Variants in PCCB observed in about 807,000 individuals in gnomAD.
PCCB encodes propionyl-CoA carboxylase subunit beta, also known as propionyl-CoA carboxylase beta chain, mitochondrial.
In PCCB, 43 loss-of-function variants were observed where a neutral mutation model predicts 60.7. The observed-to-expected ratio is 0.71, with a 90% CI of 0.55 to 0.91. The LOEUF (loss-of-function observed/expected upper bound fraction) is 0.91. Ranked by LOEUF, PCCB falls within the 40% of genes least tolerant of loss-of-function variation. The pLI, the probability that PCCB is intolerant of heterozygous loss-of-function variation, is 0.00. For missense variants in PCCB, 766 were observed against 702.8 expected (o/e 1.09, Z -1.02); for synonymous variants, 276 against 255.9 (o/e 1.08, Z -0.75).
chr3:136,326,145 T>G (rs1368613234), intron 10 of PCCB, among the ~76,000 whole-genome samples: 1 of 152,154 alleles, frequency 6.6e-6, no homozygotes, highest in African/African-American at 2.4e-5. Flanking sequence ...GACTTGATAA[T>G]GTGCCTTACT....
chr3:136,278,039 C>T (rs184607109), intron 5 of PCCB, among the ~76,000 whole-genome samples: 1 of 152,262 alleles, frequency 6.6e-6, no homozygotes. Flanking sequence ...GCGACCACTA[C>T]CTGAGCTTGT....
intron 5 of PCCB, among the ~76,000 whole-genome samples, chr3:136,263,339 C>T (rs1247981675): frequency 6.7e-6 from 1 of 149,930 alleles, no homozygotes; most frequent in African/African-American, 2.5e-5. Context: ...GATCTCTGCT[C>T]ACTGCAACCT....
At chr3:136,295,479 A>G (rs1246354266) in intron 7 of PCCB, among the ~76,000 whole-genome samples, 1 of 152,202 alleles carries the variant, frequency 6.6e-6, no homozygotes, top group Non-Finnish European at 1.5e-5. Flanking sequence ...CATGTCTAGA[A>G]TCAGAACACT....
chr3:136,261,180 C>T (rs531847510), intron 4 of PCCB, among the ~76,000 whole-genome samples: 3 of 152,176 alleles, frequency 2.0e-5, no homozygotes, highest in South Asian at 4.2e-4. Flanking sequence ...AAGAACAGTG[C>T]GAGCATTGTA....
chr3:136,277,291 C>G (rs565847371), intron 5 of PCCB, among the ~76,000 whole-genome samples: 3 of 152,204 alleles, frequency 2.0e-5, no homozygotes, highest in Non-Finnish European at 2.9e-5. Context: ...CACTGGTTTT[C>G]TCCTTTCTGT....
At chr3:136,310,404 T>A (rs1417341276) in intron 9 of PCCB, among the ~76,000 whole-genome samples, 1 of 149,722 alleles carries the variant, frequency 6.7e-6, no homozygotes, top group Non-Finnish European at 1.5e-5. Flanking sequence ...GCACCTGTAG[T>A]CCCAGCTACT....
At chr3:136,287,681 C>T (rs879565177) in intron 6 of PCCB, among the ~76,000 whole-genome samples, 2 of 152,182 alleles carry the variant, frequency 1.3e-5, no homozygotes, top group Non-Finnish European at 2.9e-5. Context: ...AGTAATCTGC[C>T]GGCCTCAGCC....
chr3:136,286,012 A>G (rs1368236043), intron 6 of PCCB, among the ~76,000 whole-genome samples: 1 of 152,244 alleles, frequency 6.6e-6, no homozygotes, highest in East Asian at 1.9e-4. Flanking sequence ...AAGAATAAAC[A>G]TTCTATGAAA....
At chr3:136,265,622 G>T (rs558969282) in intron 5 of PCCB, among the ~76,000 whole-genome samples, 3 of 152,274 alleles carry the variant, frequency 2.0e-5, no homozygotes, top group African/African-American at 7.2e-5. Context: ...GTATTACTTT[G>T]TGTGGATATA....
intron 10 of PCCB, among the ~76,000 whole-genome samples, chr3:136,317,326 G>A (rs969043755): frequency 1.5e-5 from 2 of 137,506 alleles, no homozygotes; most frequent in Non-Finnish European, 1.5e-5. Flanking sequence ...GGGTCAAGCA[G>A]TCCTTCCACC....
chr3:136,278,630 T>C (rs979509899), intron 5 of PCCB, among the ~76,000 whole-genome samples: 2 of 152,252 alleles, frequency 1.3e-5, no homozygotes, highest in Non-Finnish European at 2.9e-5. Context: ...TATTGAATTA[T>C]AGTTTTATTC....
chr3:136,314,049 T>C (rs1289157822), intron 9 of PCCB, among the ~76,000 whole-genome samples: 3 of 148,240 alleles, frequency 2.0e-5, no homozygotes, highest in Non-Finnish European at 3.0e-5. Flanking sequence ...CACACACACA[T>C]CCCTAAAAGG....
At chr3:136,264,440 G>GTATATATATATATA (rs370057075) in intron 5 of PCCB, among the ~76,000 whole-genome samples, 6 of 123,782 alleles carry the variant, frequency 4.8e-5, no homozygotes, top group African/African-American at 1.2e-4. Context: ...ATGTGTGTGT[G>GTATATATATATATA]TATATATGTA....
At chr3:136,282,416 A>G (rs1288391345) in intron 5 of PCCB, among the ~76,000 whole-genome samples, 1 of 152,080 alleles carries the variant, frequency 6.6e-6, no homozygotes, top group Non-Finnish European at 1.5e-5. Flanking sequence ...GTAAGCATAT[A>G]GTTTTAGTGT....
At position 136,301,035 on chromosome 3, in the gene PCCB, G is replaced by A. The variant is rs147379583; in HGVS notation, c.890G>A (p.Arg297His). The A allele has an allele frequency of 2.7e-5, 44 of 1,613,794 alleles. No individual in the cohort carries two copies. Among genetic ancestry groups the A allele is most frequent in the South Asian group, 1.3e-4 (12 of 91,072 alleles). ...TGCCTTTTTTCTGCCTAAAGTGACC[G>A]TCTGGTTCCTGAGCTTGACACAATT... ...PVRECHDPSDRLVPELDTIVP... is the reference protein window; with the variant it reads ...PVRECHDPSDHLVPELDTIVP... The change falls in exon 9 of 15, where the codon CGT becomes CAT. Residue 297 changes from arginine to histidine, a missense_variant. Coordinates refer to ENST00000251654, the MANE Select transcript of PCCB (RefSeq NM_000532.5).
chr3:136,326,782 G>C (rs1935326928), intron 10 of PCCB, 21 bp from the exon 11 acceptor site: 1 of 1,474,702 alleles, frequency 6.8e-7, no homozygotes, highest in Non-Finnish European at 9.5e-7. Context: ...TACTCAGTAT[G>C]GATAATCTCT....
chr3:136,256,102 C>G, intron 2 of PCCB, 127 bp downstream of exon 2: 4 of 1,390,576 alleles, frequency 2.9e-6, no homozygotes, highest in Non-Finnish European at 4.0e-6. Flanking sequence ...GACATCAAGC[C>G]CAGATAATTT....
At chr3:136,278,122 G>C (rs2108173305) in intron 5 of PCCB, among the ~76,000 whole-genome samples, 1 of 152,254 alleles carries the variant, frequency 6.6e-6, no homozygotes, top group South Asian at 2.1e-4. Flanking sequence ...TGGAGACTGG[G>C]AATGCCTGCA....
intron 5 of PCCB, among the ~76,000 whole-genome samples, chr3:136,271,976 A>C (rs1188180207): frequency 1.3e-5 from 2 of 152,130 alleles, no homozygotes; most frequent in Non-Finnish European, 2.9e-5. Context: ...TTCCCCATTC[A>C]TTACGATGTT....
Sources: allele counts gnomAD v4.1 joint callset (sites outside exome capture counted in the v4.1 genomes callset), GRCh38; gene constraint gnomAD v4.1.1; transcripts MANE v1.5; gene names NCBI Gene and HGNC (gene_info 2026-07-23, HGNC 2026-07-21).